The following SNTG2 variants were observed in gnomAD, a reference collection of about 807,000 sequenced individuals.
SNTG2 encodes gamma-2-syntrophin.
In SNTG2, 74 loss-of-function variants were observed where a neutral mutation model predicts 70.9. The ratio of observed to expected loss-of-function variants is 1.04; its 90% CI spans 0.86 to 1.27. The LOEUF (loss-of-function observed/expected upper bound fraction) is 1.27. SNTG2 is among the 50% of genes most tolerant of loss of function. The probability of loss-of-function intolerance (pLI) is 0.00; values close to 1 mark genes in which losing one functional copy is unlikely to be tolerated. For missense variants in SNTG2, 717 were observed against 690.7 expected, an observed-to-expected ratio of 1.04 and a Z score of -0.43; for synonymous variants, 278 against 273.8, an observed-to-expected ratio of 1.02 and a Z score of -0.15.
rs10173246 is a variant in SNTG2 at position 1,012,182 on chromosome 2, A to G, written c.72+61114A>G. 6.6e-5 allele frequency among the ~76,000 whole-genome samples: 10 copies of G among 152,354 alleles called. No individual in the cohort carries two copies. In the East Asian group the frequency reaches 1.7e-3, roughly 26 times the overall value. On this transcript the variant is annotated intron_variant, in intron 1 of 16. Coordinates refer to ENST00000308624, the MANE Select transcript of SNTG2 (RefSeq NM_018968.4). ...ACAGTGGTCCCAGTGGAGAAGCCGT[A>G]ACAACACTAAGCGTGGGGAACTGTC...
chr2:1,142,315 A>G (rs928362386), intron 6 of SNTG2, among the ~76,000 whole-genome samples: 3 of 152,184 alleles, frequency 2.0e-5, no homozygotes, highest in Non-Finnish European at 2.9e-5. Context: ...AAGGGAACCA[A>G]CGCACCTGAT....
chr2:1,028,178 A>AAGC (rs1660597768), intron 1 of SNTG2, among the ~76,000 whole-genome samples: 12 of 148,334 alleles, frequency 8.1e-5, no homozygotes, highest in African/African-American at 2.9e-4. Flanking sequence ...CACAATCACT[A>AAGC]TCCAGCAAGT....
intron 4 of SNTG2, among the ~76,000 whole-genome samples, chr2:1,113,821 C>G (rs1279833938): frequency 6.6e-6 from 1 of 151,200 alleles, no homozygotes; most frequent in African/African-American, 2.4e-5. Context: ...AGGTTTAACC[C>G]TTACAGTCCT....
chr2:1,203,673 A>AAAAAT (rs1451954919), intron 8 of SNTG2, among the ~76,000 whole-genome samples: 31 of 115,528 alleles, frequency 2.7e-4, no homozygotes, highest in African/African-American at 9.0e-4. Context: ...CAAAAAAAAA[A>AAAAAT]ATATATATAT....
chr2:956,262 C>CCCCTG (rs1157881976), intron 1 of SNTG2, among the ~76,000 whole-genome samples: 34 of 143,318 alleles, frequency 2.4e-4, no homozygotes, highest in Non-Finnish European at 4.8e-4. Context: ...CCTGCGCCTC[C>CCCCTG]CCCTGCCCTG....
intron 7 of SNTG2, among the ~76,000 whole-genome samples, chr2:1,167,235 C>G (rs979364469): frequency 2.0e-5 from 3 of 150,458 alleles, no homozygotes; most frequent in African/African-American, 4.9e-5. Flanking sequence ...TACAAGCCAC[C>G]CACAGACGAC....
chr2:1,265,056 G>A (rs1434332699), intron 13 of SNTG2, among the ~76,000 whole-genome samples: 1 of 152,188 alleles, frequency 6.6e-6, no homozygotes, highest in Non-Finnish European at 1.5e-5. Flanking sequence ...GGTTGTTCAA[G>A]GCCCAACTAT....
chr2:984,888 T>A (rs1381732324), intron 1 of SNTG2, among the ~76,000 whole-genome samples: 3 of 152,222 alleles, frequency 2.0e-5, no homozygotes, highest in African/African-American at 7.2e-5. Context: ...GTAGAAGTTT[T>A]ATTATCAATC....
chr2:1,084,675 A>G (rs759801157), intron 2 of SNTG2, among the ~76,000 whole-genome samples: 6 of 152,206 alleles, frequency 3.9e-5, no homozygotes, highest in Non-Finnish European at 8.8e-5. Context: ...GTAATTTACA[A>G]AGAACAGAAA....
chr2:1,029,630 C>T (rs1395632769), intron 1 of SNTG2, among the ~76,000 whole-genome samples: 1 of 152,216 alleles, frequency 6.6e-6, no homozygotes, highest in East Asian at 1.9e-4. Flanking sequence ...GAGAGCATGA[C>T]CTTACACGTT....
chr2:1,346,384 A>C (rs1225074407), intron 16 of SNTG2: 1 of 152,234 alleles, frequency 6.6e-6, no homozygotes. Flanking sequence ...CCCTGACCAC[A>C]GGGTGCACAG....
intron 2 of SNTG2, among the ~76,000 whole-genome samples, chr2:1,096,477 C>G (rs148433288): frequency 0.01 from 1,576 of 152,190 alleles, 21 homozygotes; most frequent in African/African-American, 0.037. Context: ...TGGCCTGCAC[C>G]TCCGCCCCCC....
chr2:966,096 G>C (rs1351530300), intron 1 of SNTG2, among the ~76,000 whole-genome samples: 1 of 152,194 alleles, frequency 6.6e-6, no homozygotes, highest in Non-Finnish European at 1.5e-5. Context: ...GCTTCACAGC[G>C]AGTCCTGCCC....
intron 1 of SNTG2, among the ~76,000 whole-genome samples, chr2:1,001,599 A>G (rs1013811043): frequency 2.6e-5 from 4 of 151,988 alleles, no homozygotes; most frequent in African/African-American, 9.7e-5. Context: ...TGAAGCACTG[A>G]TGAAAGAAAT....
At chr2:1,191,978 ATAACT>A (rs1672623673) in intron 8 of SNTG2, among the ~76,000 whole-genome samples, 1 of 152,160 alleles carries the variant, frequency 6.6e-6, no homozygotes, top group African/African-American at 2.4e-5. Flanking sequence ...ATTTAAGTAA[ATAACT>A]TAGGATCTTC....
chr2:1,233,530 C>T (rs1329612076), intron 9 of SNTG2, among the ~76,000 whole-genome samples: 2 of 152,090 alleles, frequency 1.3e-5, no homozygotes, highest in Non-Finnish European at 2.9e-5. Context: ...CGGCAGGAGC[C>T]GCAGGGTGCA....
intron 15 of SNTG2, among the ~76,000 whole-genome samples, chr2:1,312,379 C>T (rs1199525815): frequency 1.3e-5 from 2 of 152,156 alleles, no homozygotes; most frequent in African/African-American, 4.8e-5. Flanking sequence ...TCTGGATTAG[C>T]ACTGACTTCC....
intron 14 of SNTG2, among the ~76,000 whole-genome samples, chr2:1,276,697 C>T (rs868350556): frequency 7.2e-5 from 11 of 152,238 alleles, no homozygotes; most frequent in East Asian, 1.9e-4. Context: ...TTTTGACTGT[C>T]GAGTTTTATT....
chr2:1,025,526 C>T (rs570873644), intron 1 of SNTG2, among the ~76,000 whole-genome samples: 3 of 152,300 alleles, frequency 2.0e-5, no homozygotes, highest in East Asian at 1.9e-4. Flanking sequence ...ATCAAGGTAT[C>T]GGCAGGACTG....
Sources: allele counts gnomAD v4.1 joint callset (sites outside exome capture counted in the v4.1 genomes callset), GRCh38; gene constraint gnomAD v4.1.1; transcripts MANE v1.5; gene names NCBI Gene and HGNC (gene_info 2026-07-23, HGNC 2026-07-21).